Variants in LMO2 observed in about 807,000 individuals in gnomAD.
The protein encoded by LMO2 is rhombotin-2.
LMO2 carries 20 observed loss-of-function variants against 23.2 expected under a neutral mutation model. That is an observed-to-expected ratio of 0.86 (90% CI 0.61 to 1.25). The LOEUF (loss-of-function observed/expected upper bound fraction) is 1.25, where lower values mean the gene tolerates loss of function less well. LMO2 is among the 50% of genes most tolerant of loss of function. The pLI, the probability that LMO2 is intolerant of heterozygous loss-of-function variation, is 0.00. For missense variants in LMO2, 270 were observed against 315.3 expected, an observed-to-expected ratio of 0.86 and a Z score of 1.09; for synonymous variants, 123 against 130.2, an observed-to-expected ratio of 0.94 and a Z score of 0.38.
At chr11:33,882,395 G>C (rs1384904816) in intron 1 of LMO2, among the ~76,000 whole-genome samples, 1 of 152,228 alleles carries the variant, frequency 6.6e-6, no homozygotes, top group South Asian at 2.1e-4. Context: ...GTAGCCTGGT[G>C]CCCATTTGAT....
chr11:33,875,469 C>T (rs1857114749), intron 2 of LMO2, among the ~76,000 whole-genome samples: 1 of 150,526 alleles, frequency 6.6e-6, no homozygotes, highest in Non-Finnish European at 1.5e-5. Context: ...TCCCAGCTAC[C>T]CGGGAGGCTG....
chr11:33,876,869 A>C (rs1001317320), intron 2 of LMO2, among the ~76,000 whole-genome samples: 1 of 152,354 alleles, frequency 6.6e-6, no homozygotes, highest in East Asian at 1.9e-4. Flanking sequence ...AACAGGGATA[A>C]CAATATCTTC....
intron 1 of LMO2, among the ~76,000 whole-genome samples, chr11:33,882,988 A>C (rs1244709211): frequency 6.6e-6 from 1 of 152,224 alleles, no homozygotes; most frequent in Non-Finnish European, 1.5e-5. Context: ...GAAACCTCAG[A>C]AGGCCTTTCC....
intron 2 of LMO2, among the ~76,000 whole-genome samples, chr11:33,875,543 A>T (rs1007925747): frequency 1.4e-5 from 2 of 144,974 alleles, no homozygotes; most frequent in Non-Finnish European, 3.0e-5. Flanking sequence ...GTGCCGTTGC[A>T]CTCAAGCCTG....
chr11:33,859,149 G>A lies in LMO2; in HGVS notation c.*207C>T. The stretch of plus-strand genomic sequence containing the variant: ...CTGTGGCCATAAGTTCTCCCTCAAG[G>A]GCTGGTCCTTCTGTCACCTTGAAGT... On this transcript the variant is annotated 3_prime_UTR_variant, in exon 6 of 6. Coordinates refer to ENST00000257818, the MANE Select transcript of LMO2 (RefSeq NM_005574.4). The A allele has an allele frequency of 1.8e-6, 1 of 546,614 alleles. No homozygotes were observed. The highest frequency in any genetic ancestry group is 3.3e-6 in the Non-Finnish European group (1 of 301,970). The allele number at this position is 546,614 out of a possible 1,614,324, so 33.9% of individuals were successfully genotyped here.
In LMO2 at chr11:33,869,833, CG is replaced by C. The variant is rs1351940290; in HGVS notation, c.-118del. On this transcript the variant is annotated 5_prime_UTR_variant, in exon 3 of 6. Coordinates refer to ENST00000257818, the MANE Select transcript of LMO2 (RefSeq NM_005574.4). ...CCCGGAGCCCCTCGCACCTTCGGCC[CG>C]GGTCGCGGCGCGCTGCTCGCCGCCG... 9.9e-5 allele frequency: 106 copies of C among 1,069,396 alleles called. No homozygotes were observed. Among genetic ancestry groups the C allele is most frequent in the Non-Finnish European group, 1.2e-4 (102 of 885,504 alleles). 66.2% of individuals were successfully genotyped at this position (1,069,396 alleles called of 1,614,324 possible).
intron 2 of LMO2, among the ~76,000 whole-genome samples, chr11:33,873,035 T>C (rs1036042996): frequency 6.6e-6 from 1 of 152,198 alleles, no homozygotes; most frequent in African/African-American, 2.4e-5. Flanking sequence ...AGTGCTGGGA[T>C]TGCAGGCATG....
intron 1 of LMO2, among the ~76,000 whole-genome samples, chr11:33,886,821 T>C (rs1044807943): frequency 2.0e-5 from 3 of 152,256 alleles, no homozygotes. Flanking sequence ...CAATATTCTA[T>C]CCCCTGTGGA....
At chr11:33,876,990 C>A (rs2133707188) in intron 2 of LMO2, among the ~76,000 whole-genome samples, 1 of 152,326 alleles carries the variant, frequency 6.6e-6, no homozygotes, top group Non-Finnish European at 1.5e-5. Flanking sequence ...ATTAACTAAG[C>A]AAAGAGAACC....
intron 4 of LMO2, among the ~76,000 whole-genome samples, chr11:33,868,699 T>A (rs1315792995): frequency 6.6e-6 from 1 of 152,168 alleles, no homozygotes; most frequent in Non-Finnish European, 1.5e-5. Context: ...AATGGTGCAT[T>A]AACTTTCGAG....
intron 5 of LMO2, among the ~76,000 whole-genome samples, chr11:33,862,382 C>T (rs905413329): frequency 2.6e-5 from 4 of 151,750 alleles, no homozygotes; most frequent in South Asian, 2.1e-4. Context: ...CTGCCATCAC[C>T]GCCACCCCAC....
At chr11:33,869,282 C>T in intron 4 of LMO2, 64 bp downstream of exon 4, 1 of 1,113,298 alleles carries the variant, frequency 9.0e-7, no homozygotes, top group Non-Finnish European at 1.1e-6. Context: ...CCGGGTCCCC[C>T]CGACGCTCCG....
At chr11:33,890,259 G>A (rs147094958) in intron 1 of LMO2, among the ~76,000 whole-genome samples, 1 of 152,210 alleles carries the variant, frequency 6.6e-6, no homozygotes, top group East Asian at 1.9e-4. Flanking sequence ...TCAATCTGGT[G>A]ATAGATACCT....
intron 2 of LMO2, among the ~76,000 whole-genome samples, chr11:33,877,271 G>C (rs538649338): frequency 5.9e-5 from 9 of 152,142 alleles, no homozygotes; most frequent in Admixed American, 2.0e-4. Flanking sequence ...TCAGAGTCAC[G>C]TGTCTCTGAT....
chr11:33,889,597 C>A (rs887810297), intron 1 of LMO2, among the ~76,000 whole-genome samples: 2 of 152,192 alleles, frequency 1.3e-5, no homozygotes, highest in African/African-American at 4.8e-5. Flanking sequence ...CACTCCTAGG[C>A]TCTTGTTATA....
Position 33,876,573 on chromosome 11 carries a change from T to C in LMO2, c.-272+5251A>G, listed in dbSNP as rs147590759. 1.4e-4 allele frequency among the ~76,000 whole-genome samples: 21 copies of C among 152,356 alleles called. 1 individual carries two copies. Among genetic ancestry groups the C allele is most frequent in the African/African-American group, 5.0e-4 (21 of 41,586 alleles). ...AGAATAATGGTCCAGATACCATTTA[T>C]ATTTGGAACCAAGAGTTTGGTTTGG... On this transcript the variant is annotated intron_variant, in intron 2 of 5. Transcript: ENST00000257818.
At chr11:33,887,699 T>A (rs1857446605) in intron 1 of LMO2, among the ~76,000 whole-genome samples, 1 of 152,094 alleles carries the variant, frequency 6.6e-6, no homozygotes, top group Non-Finnish European at 1.5e-5. Context: ...CACGCTTGGC[T>A]AATTTTTGTT....
chr11:33,887,890 T>C (rs979570294), intron 1 of LMO2, among the ~76,000 whole-genome samples: 3 of 151,894 alleles, frequency 2.0e-5, no homozygotes, highest in Non-Finnish European at 4.4e-5. Context: ...GTGGATTTAA[T>C]GAGCCACTAG....
chr11:33,858,716 C>A lies in LMO2; in HGVS notation c.*640G>T, dbSNP rs866976066. On this transcript the variant is annotated 3_prime_UTR_variant, in exon 6 of 6. Coordinates refer to ENST00000257818, the MANE Select transcript of LMO2 (RefSeq NM_005574.4). The stretch of plus-strand genomic sequence containing the variant: ...TTGTATAGAAACAATCTGTGGAACT[C>A]CTCCCCTCAAAATGAAGGTGTCTAA... 12 of 201,434 alleles carry A rather than the reference C, an allele frequency of 6.0e-5. No individual in the cohort carries two copies. The highest frequency in any genetic ancestry group is 1.9e-4 in the South Asian group (1 of 5,258). The allele number at this position is 201,434 out of a possible 1,614,324, so 12.5% of individuals were successfully genotyped here. A position where few individuals can be genotyped will look rare whatever the true frequency, so the allele number is the denominator to read the frequency against.
Sources: gnomAD v4.1 joint callset for allele counts (sites outside exome capture counted in the v4.1 genomes callset) on GRCh38, gnomAD v4.1.1 for gene constraint, MANE v1.5 for transcripts, NCBI Gene and HGNC (gene_info 2026-07-23, HGNC 2026-07-21) for gene names.